SMAD4: variants seen among roughly 807,000 people sequenced by gnomAD.
SMAD4 encodes the protein MAD homolog 4.
A neutral mutation model predicts 63.2 loss-of-function variants in SMAD4; 7 were observed. The observed-to-expected ratio is 0.11, with a 90% CI of 0.06 to 0.21. The LOEUF is 0.21. Among genes scored for constraint, SMAD4 ranks in the 10% least tolerant of loss-of-function variants. The probability of loss-of-function intolerance (pLI) is 1.00; values close to 1 mark genes in which losing one functional copy is unlikely to be tolerated. For synonymous variants in SMAD4, 215 were observed against 235.4 expected (o/e 0.91, Z 0.79); for missense variants, 312 against 693.8 (o/e 0.45, Z 6.18).
At chr18:51,059,826 T>C (rs1227417766) in intron 7 of SMAD4, 40 bp from the exon 8 acceptor site, 9 of 1,525,570 alleles carry the variant, frequency 5.9e-6, no homozygotes, top group Non-Finnish European at 7.3e-6. Flanking sequence ...TAGACAACTT[T>C]TAGTAAATAA....
At chr18:51,032,624 C>T (rs944354447) in intron 1 of SMAD4, among the ~76,000 whole-genome samples, 5 of 152,090 alleles carry the variant, frequency 3.3e-5, no homozygotes, top group African/African-American at 7.2e-5. Flanking sequence ...AATTAAGGAG[C>T]GAGAATTAAC....
intron 3 of SMAD4, 69 bp from the exon 4 acceptor site, chr18:51,049,226 T>C: frequency 2.5e-6 from 3 of 1,212,604 alleles, no homozygotes; most frequent in Non-Finnish European, 1.2e-6. Context: ...ACATTCTCTG[T>C]TTTTAAATGG....
At chr18:51,053,091 A>G (rs1482605602) in intron 4 of SMAD4, 1 of 152,248 alleles carries the variant, frequency 6.6e-6, no homozygotes, top group Non-Finnish European at 1.5e-5. Flanking sequence ...TTTATGGGTC[A>G]TAACTGTTTA....
At chr18:51,030,822 C>T (rs756883978) in intron 1 of SMAD4, among the ~76,000 whole-genome samples, 199 bp downstream of exon 1, 11 of 151,732 alleles carry the variant, frequency 7.2e-5, no homozygotes, top group Non-Finnish European at 1.3e-4. Context: ...GCGGCGGTGC[C>T]TCGCGTCCCT....
intron 10 of SMAD4, among the ~76,000 whole-genome samples, chr18:51,069,745 T>G (rs1298089820): frequency 6.6e-6 from 1 of 152,234 alleles, no homozygotes; most frequent in East Asian, 1.9e-4. Flanking sequence ...TATTCCTAGG[T>G]GTACTTCTGA....
rs375129730 is a variant in SMAD4 at position 51,056,698 on chromosome 18, A to G, written c.668-1427A>G. ...ATTGATGAAAAGAAGTTGAACTAAA[A>G]TAGAAGATTTGAAAGGCTATTTTAC... On this transcript the variant is annotated intron_variant, in intron 5 of 11. Coordinates refer to ENST00000342988, the MANE Select transcript of SMAD4 (RefSeq NM_005359.6). Among the ~76,000 whole-genome samples, 315 of 152,042 alleles carry G rather than the reference A, an allele frequency of 2.1e-3. 1 individual carries two copies. Among genetic ancestry groups the G allele is most frequent in the African/African-American group, 6.7e-3 (277 of 41,514 alleles).
At chr18:51,070,479 T>G (rs965140451) in intron 10 of SMAD4, among the ~76,000 whole-genome samples, 1 of 152,210 alleles carries the variant, frequency 6.6e-6, no homozygotes, top group Non-Finnish European at 1.5e-5. Flanking sequence ...TTAACTAAGA[T>G]TTTAAAATAA....
At chr18:51,045,249 G>C (rs1163993850) in intron 1 of SMAD4, among the ~76,000 whole-genome samples, 5 of 152,194 alleles carry the variant, frequency 3.3e-5, no homozygotes, top group African/African-American at 1.2e-4. Flanking sequence ...CTTTAACAAA[G>C]GTCTTCAGAA....
chr18:51,037,989 AT>A (rs1909255374), intron 1 of SMAD4, among the ~76,000 whole-genome samples: 1 of 152,282 alleles, frequency 6.6e-6, no homozygotes, highest in Non-Finnish European at 1.5e-5. Flanking sequence ...AAGGAATGTG[AT>A]TAAAAAAAAT....
intron 5 of SMAD4, among the ~76,000 whole-genome samples, 177 bp downstream of exon 5, chr18:51,055,170 G>A (rs1460371292): frequency 6.6e-6 from 1 of 152,096 alleles, no homozygotes; most frequent in Non-Finnish European, 1.5e-5. Context: ...TTAAGTAATG[G>A]CTTTGATTAT....
In SMAD4 at chr18:51,076,734, A is replaced by G. The variant is rs876658851; in HGVS notation, c.1405A>G (p.Ile469Val). Residue 469 changes from isoleucine to valine, a missense_variant, in exon 11 of 12, where the codon ATC (isoleucine) becomes GTC (valine). By Grantham distance (29) the Ile-to-Val change is conservative. Coordinates refer to ENST00000342988, the MANE Select transcript of SMAD4 (RefSeq NM_005359.6). ...CCAGGCAGCAGCCGTGGCAGGAAACATCCCTGGCCCAGGATCAGTAGGTGG... is the reference window on the plus strand; with the variant it reads ...CCAGGCAGCAGCCGTGGCAGGAAACGTCCCTGGCCCAGGATCAGTAGGTGG... ...AAQAAAVAGN[I>V]PGPGSVGGIA... 1.2e-6 allele frequency: 2 copies of G among 1,613,610 alleles called. No homozygotes were observed. Among genetic ancestry groups the G allele is most frequent in the Non-Finnish European group, 1.7e-6 (2 of 1,179,506 alleles).
chr18:51,049,752 T>A (rs1568203723), intron 4 of SMAD4, among the ~76,000 whole-genome samples: 1 of 152,228 alleles, frequency 6.6e-6, no homozygotes, highest in Admixed American at 6.5e-5. Context: ...CATTTCAGCC[T>A]AACATTTTTA....
rs1339773261 is a variant in SMAD4, at chr18:51,083,316, A to G, written c.*4849A>G. On this transcript the variant is annotated 3_prime_UTR_variant, in exon 12 of 12. Transcript: ENST00000342988. ...GCCTTCTGGCCTTACTCCTGTACAG[A>G]TATTTTTGACCTATAGGTGCCTTTA... 1 of 227,966 alleles carries G rather than the reference A, an allele frequency of 4.4e-6. No individual in the cohort carries two copies. The allele number at this position is 227,966 out of a possible 1,614,324, so 14.1% of individuals were successfully genotyped here.
chr18:51,034,092 C>A (rs1909130128), intron 1 of SMAD4, among the ~76,000 whole-genome samples: 1 of 152,086 alleles, frequency 6.6e-6, no homozygotes, highest in Admixed American at 6.5e-5. Flanking sequence ...TATTTATATT[C>A]CAAATGAGAA....
intron 1 of SMAD4, among the ~76,000 whole-genome samples, chr18:51,044,223 C>T (rs1909472198): frequency 6.6e-6 from 1 of 151,744 alleles, no homozygotes; most frequent in South Asian, 2.1e-4. Context: ...TAACTCACAG[C>T]AGCCTTCAAC....
At chr18:51,073,369 A>ATG (rs1910370556) in intron 10 of SMAD4, among the ~76,000 whole-genome samples, 1 of 74,132 alleles carries the variant, frequency 1.3e-5, no homozygotes, top group Non-Finnish European at 2.7e-5. Flanking sequence ...CATTATATAT[A>ATG]TATATATATA....
chr18:51,074,413 G>A (rs1021156975), intron 10 of SMAD4, among the ~76,000 whole-genome samples: 2 of 152,058 alleles, frequency 1.3e-5, no homozygotes, highest in African/African-American at 2.4e-5. Context: ...TACACATATG[G>A]CAAACAAGCA....
intron 4 of SMAD4, 94 bp downstream of exon 4, chr18:51,049,418 A>AG (rs1909641925): frequency 2.3e-6 from 2 of 885,392 alleles, no homozygotes; most frequent in South Asian, 2.7e-5. Flanking sequence ...AGCGGCAGGC[A>AG]GTAACATTAA....
intron 1 of SMAD4, among the ~76,000 whole-genome samples, chr18:51,033,186 ATTT>A (rs34008927): frequency 8.5e-6 from 1 of 117,310 alleles, no homozygotes; most frequent in African/African-American, 3.2e-5. Context: ...ATAACACAGC[ATTT>A]TTTTTTTTTT....
Sources: gnomAD v4.1 joint callset for allele counts (sites outside exome capture counted in the v4.1 genomes callset) on GRCh38, gnomAD v4.1.1 for gene constraint, MANE v1.5 for transcripts, NCBI Gene and HGNC (gene_info 2026-07-23, HGNC 2026-07-21) for gene names.